Variants in SORCS2 observed in about 807,000 individuals in gnomAD.
SORCS2 encodes the protein sortilin related VPS10 domain containing receptor 2, also known as VPS10 domain-containing receptor SorCS2.
In SORCS2, 100 loss-of-function variants were observed where a neutral mutation model predicts 141.6. The ratio of observed to expected loss-of-function variants is 0.71; its 90% confidence interval spans 0.60 to 0.83. SORCS2 has a LOEUF of 0.83. Ranked by LOEUF, SORCS2 falls within the 40% of genes least tolerant of loss-of-function variation. SORCS2 has a pLI of 0.00. For missense variants in SORCS2, 1,646 were observed against 1,560.2 expected (o/e 1.05, Z -0.93); for synonymous variants, 789 against 676.9 (o/e 1.17, Z -2.57).
At chr4:7,351,545 CT>C (rs1369562918) in intron 1 of SORCS2, among the ~76,000 whole-genome samples, 1 of 152,198 alleles carries the variant, frequency 6.6e-6, no homozygotes, top group Non-Finnish European at 1.5e-5. Flanking sequence ...CAACAGTTCT[CT>C]GGGTCAGGCC....
At chr4:7,438,349 T>C (rs1260990591) in intron 2 of SORCS2, among the ~76,000 whole-genome samples, 1 of 152,242 alleles carries the variant, frequency 6.6e-6, no homozygotes, top group Non-Finnish European at 1.5e-5. Flanking sequence ...TGGGGGGCCA[T>C]TGTTGATTTA....
intron 14 of SORCS2, among the ~76,000 whole-genome samples, chr4:7,708,661 G>A (rs999729093): frequency 1.3e-5 from 2 of 152,190 alleles, no homozygotes; most frequent in South Asian, 2.1e-4. Flanking sequence ...GGCCTCCTGC[G>A]ACAGGGGCTG....
Position 7,638,504 on chromosome 4 carries a change from G to C in SORCS2, c.813+12G>C, listed in dbSNP as rs2108863797. 1 of 1,606,084 alleles carries C rather than the reference G, an allele frequency of 6.2e-7. No homozygotes were observed. The highest frequency in any genetic ancestry group is 1.7e-5 in the Admixed American group (1 of 59,272). On this transcript the variant is annotated intron_variant, in intron 4 of 26. Coordinates refer to ENST00000507866, the MANE Select transcript of SORCS2 (RefSeq NM_020777.3). The stretch of plus-strand genomic sequence containing the variant: ...CAAAGGAGAGCAAGGTAAGATATAT[G>C]GGTGCCAGTCGCCTGGTCTGTGGGG...
intron 1 of SORCS2, among the ~76,000 whole-genome samples, chr4:7,244,909 G>A (rs1306583700): frequency 6.6e-6 from 1 of 152,204 alleles, no homozygotes; most frequent in East Asian, 1.9e-4. Context: ...TGAGTACCCA[G>A]CCCAGCCCGC....
chr4:7,495,989 C>T (rs900053090), intron 2 of SORCS2, among the ~76,000 whole-genome samples: 1 of 152,128 alleles, frequency 6.6e-6, no homozygotes, highest in African/African-American at 2.4e-5. Flanking sequence ...GAATGTGGGC[C>T]GAGGGTGGAA....
At chr4:7,271,748 C>T (rs1198335438) in intron 1 of SORCS2, among the ~76,000 whole-genome samples, 1 of 152,242 alleles carries the variant, frequency 6.6e-6, no homozygotes, top group Non-Finnish European at 1.5e-5. Flanking sequence ...AGTGGGCTGC[C>T]CAAGTTCTTG....
chr4:7,220,673 C>G (rs1439208519), intron 1 of SORCS2, among the ~76,000 whole-genome samples: 1 of 152,136 alleles, frequency 6.6e-6, no homozygotes, highest in Non-Finnish European at 1.5e-5. Context: ...GTGTGGGGAC[C>G]TGAATGAAGT....
intron 1 of SORCS2, among the ~76,000 whole-genome samples, chr4:7,230,026 A>G (rs937567678): frequency 8.0e-6 from 1 of 124,826 alleles, no homozygotes; most frequent in African/African-American, 3.1e-5. Flanking sequence ...GTGCTCATGT[A>G]TGAAGGAGAT....
At chr4:7,335,327 G>A (rs565813749) in intron 1 of SORCS2, among the ~76,000 whole-genome samples, 1 of 152,348 alleles carries the variant, frequency 6.6e-6, no homozygotes, top group South Asian at 2.1e-4. Context: ...AAGTGTTTCT[G>A]TTCTGGGCCC....
Position 7,350,208 on chromosome 4 carries a change from C to T in SORCS2, c.481-46080C>T, listed in dbSNP as rs3913440. Among the ~76,000 whole-genome samples the T allele has an allele frequency of 8.9e-3, 1,350 of 152,348 alleles. 23 individuals carry two copies. Among genetic ancestry groups the T allele is most frequent in the African/African-American group, 0.031 (1,294 of 41,572 alleles). ...CTGTGCGAATTTCCCTGAAGGGAAT[C>T]TGTCCTTCCAAACCAGGAAAGCACT... On this transcript the variant is annotated intron_variant, in intron 1 of 26. Transcript: ENST00000507866.
At chr4:7,679,810 G>A (rs1251318222) in intron 9 of SORCS2, among the ~76,000 whole-genome samples, 1 of 148,864 alleles carries the variant, frequency 6.7e-6, no homozygotes, top group Non-Finnish European at 1.5e-5. Context: ...GATATGGGCA[G>A]TTATGCAGAG....
intron 2 of SORCS2, among the ~76,000 whole-genome samples, chr4:7,411,686 C>G (rs1486282971): frequency 6.6e-6 from 1 of 152,144 alleles, no homozygotes. Flanking sequence ...GCTATGATAA[C>G]TGATATCTAA....
intron 3 of SORCS2, among the ~76,000 whole-genome samples, chr4:7,556,871 A>G (rs978159108): frequency 3.6e-5 from 5 of 140,752 alleles, no homozygotes; most frequent in Admixed American, 2.1e-4. Flanking sequence ...CCCACCATCC[A>G]TCCATCCACC....
At chr4:7,472,771 G>T (rs931512057) in intron 2 of SORCS2, among the ~76,000 whole-genome samples, 1 of 152,174 alleles carries the variant, frequency 6.6e-6, no homozygotes, top group Non-Finnish European at 1.5e-5. Context: ...GCCTCATTAT[G>T]TTTGTAATTG....
intron 1 of SORCS2, among the ~76,000 whole-genome samples, chr4:7,277,762 C>A: frequency 6.6e-6 from 1 of 152,342 alleles, no homozygotes; most frequent in East Asian, 1.9e-4. Context: ...AGCCAGCCTG[C>A]CTACCGTGCC....
In SORCS2 at chr4:7,741,458, G is replaced by GA. The variant is rs1712667496; in HGVS notation, c.*1194_*1195insA. On this transcript the variant is annotated 3_prime_UTR_variant, in exon 27 of 27. Coordinates refer to ENST00000507866, the MANE Select transcript of SORCS2 (RefSeq NM_020777.3). ...TATAGGAATATAGGGGGGTGGGGGG[G>GA]TCACCTTTTGCCTTGAAATGGGAAG... The GA allele has an allele frequency of 1.5e-5, 2 of 135,866 alleles. No individual in the cohort carries two copies. Among genetic ancestry groups the GA allele is most frequent in the East Asian group, 2.6e-4 (1 of 3,778 alleles). 8.4% of individuals were successfully genotyped at this position (135,866 alleles called of 1,614,324 possible).
At position 7,305,361 on chromosome 4, in the gene SORCS2, GTT is replaced by G. The variant is rs5855954; in HGVS notation, c.481-90911_481-90910del. On this transcript the variant is annotated intron_variant, in intron 1 of 26. Transcript: ENST00000507866. Reference sequence around the variant, plus strand: ...TGGCTCTTGTCCCATTTCTACTTTAGTTTTTTTTTTTTTTTTTCTTGGAACAC... The same window carrying G: ...TGGCTCTTGTCCCATTTCTACTTTAGTTTTTTTTTTTTTTTCTTGGAACAC... Among the ~76,000 whole-genome samples the G allele has an allele frequency of 3.5e-3, 477 of 137,740 alleles. 4 individuals are homozygous for G. The highest frequency in any genetic ancestry group is 0.015 in the Middle Eastern group (4 of 272). 90.4% of individuals were successfully genotyped at this position (137,740 alleles called of 152,430 possible).
intron 1 of SORCS2, among the ~76,000 whole-genome samples, chr4:7,270,374 C>T (rs540671784): frequency 7.2e-5 from 11 of 152,262 alleles, no homozygotes; most frequent in Admixed American, 1.3e-4. Context: ...GGGGGAGCTG[C>T]GCTGGTCCTG....
intron 4 of SORCS2, among the ~76,000 whole-genome samples, chr4:7,645,283 C>A (rs1475693547): frequency 6.6e-6 from 1 of 152,176 alleles, no homozygotes; most frequent in Non-Finnish European, 1.5e-5. Context: ...TTCTTGAAGG[C>A]AAGGGTGACT....
Sources: gnomAD v4.1 joint callset for allele counts (sites outside exome capture counted in the v4.1 genomes callset) on GRCh38, gnomAD v4.1.1 for gene constraint, MANE v1.5 for transcripts, NCBI Gene and HGNC (gene_info 2026-07-23, HGNC 2026-07-21) for gene names.